The following SPP2 variants were observed in gnomAD, a reference collection of about 807,000 sequenced individuals.
SPP2 encodes the protein secreted phosphoprotein 24.
In SPP2, 34 loss-of-function variants were observed where a neutral mutation model predicts 28.8. The ratio of observed to expected loss-of-function variants is 1.18; its 90% CI spans 0.90 to 1.57. The LOEUF is 1.57. Ranked by LOEUF, SPP2 falls within the 40% of genes most tolerant of loss-of-function variation. The probability of loss-of-function intolerance (pLI) is 0.00; values close to 1 mark genes in which losing one functional copy is unlikely to be tolerated. For missense variants in SPP2, 269 were observed against 263.9 expected (o/e 1.02, Z -0.13); for synonymous variants, 96 against 89.4 (o/e 1.07, Z -0.42).
At chr2:234,064,157 T>TTC (rs1270751170) in intron 4 of SPP2, among the ~76,000 whole-genome samples, 1 of 146,586 alleles carries the variant, frequency 6.8e-6, no homozygotes, top group African/African-American at 2.5e-5. Flanking sequence ...TCATTCCCTT[T>TTC]TCTCTCTCTC....
chr2:234,050,713 A>G lies in SPP2; in HGVS notation c.-74A>G. The G allele has an allele frequency of 1.5e-6, 2 of 1,318,796 alleles. No homozygotes were observed. The highest frequency in any genetic ancestry group is 1.2e-5 in the South Asian group (1 of 81,368). The allele number at this position is 1,318,796 out of a possible 1,614,324, so 81.7% of individuals were successfully genotyped here. ...CAAAATAAGCAGCCAGTGTTTGATA[A>G]AGACAGCTCCTCTTAGGAAGAACTG... On this transcript the variant is annotated 5_prime_UTR_variant, in exon 1 of 8. Coordinates refer to ENST00000168148, the MANE Select transcript of SPP2 (RefSeq NM_006944.3).
At chr2:234,072,710 A>G (rs1690819533) in intron 7 of SPP2, among the ~76,000 whole-genome samples, 1 of 152,130 alleles carries the variant, frequency 6.6e-6, no homozygotes, top group South Asian at 2.1e-4. Context: ...TGAGGCTGGT[A>G]AGGCCGGCAT....
chr2:234,063,727 A>C (rs1693764967), intron 4 of SPP2, among the ~76,000 whole-genome samples: 1 of 152,178 alleles, frequency 6.6e-6, no homozygotes, highest in African/African-American at 2.4e-5. Flanking sequence ...AATGTATTAC[A>C]GTTGTAGGTT....
intron 4 of SPP2, among the ~76,000 whole-genome samples, chr2:234,061,527 C>A (rs1386182002): frequency 6.6e-6 from 1 of 152,100 alleles, no homozygotes; most frequent in African/African-American, 2.4e-5. Flanking sequence ...CATAATCTTT[C>A]TTTCCTTTTT....
rs756010192 is a variant in SPP2 at position 234,058,922 on chromosome 2, T to A, written c.297T>A (p.Asp99Glu). The A allele has an allele frequency of 1.9e-6, 3 of 1,613,934 alleles. No individual in the cohort carries two copies. Among genetic ancestry groups the A allele is most frequent in the Non-Finnish European group, 2.5e-6 (3 of 1,179,958 alleles). ...CATGCAGGAAGGATTCTGGAGAAGA[T>A]CCCGCTACATGTGCCTTCCAGAGGG... ...ETTCRKDSGE[D>E]PATCAFQRDY... Residue 99 changes from aspartate to glutamate, a missense_variant, in exon 3 of 8, where the codon GAT (aspartate) becomes GAA (glutamate). Coordinates refer to ENST00000168148, the MANE Select transcript of SPP2 (RefSeq NM_006944.3).
In SPP2 at chr2:234,066,605, C is replaced by T. The variant is rs1174356207; in HGVS notation, c.499+18C>T. ...TCTATTTGGTAAGTTAAGATCTGTTCTTTTTAACTTTTTTTCTTAAAATAA... is the reference window on the plus strand; with the variant it reads ...TCTATTTGGTAAGTTAAGATCTGTTTTTTTTAACTTTTTTTCTTAAAATAA... On this transcript the variant is annotated intron_variant, in intron 5 of 7. Coordinates refer to ENST00000168148, the MANE Select transcript of SPP2 (RefSeq NM_006944.3). The T allele has an allele frequency of 6.3e-7, 1 of 1,587,300 alleles. No homozygotes were observed. Among genetic ancestry groups the T allele is most frequent in the Non-Finnish European group, 8.6e-7 (1 of 1,164,786 alleles).
chr2:234,060,928 C>T (rs149829551), intron 4 of SPP2, among the ~76,000 whole-genome samples: 32 of 152,222 alleles, frequency 2.1e-4, no homozygotes, highest in African/African-American at 7.0e-4. Context: ...GACCAGTGTT[C>T]AAAACTATTT....
intron 4 of SPP2, among the ~76,000 whole-genome samples, chr2:234,062,250 C>G (rs937020374): frequency 6.6e-6 from 1 of 152,310 alleles, no homozygotes; most frequent in Admixed American, 6.5e-5. Context: ...GGGGAGCAGA[C>G]AGCTTCCCCC....
chr2:234,062,826 G>T (rs995157660), intron 4 of SPP2, among the ~76,000 whole-genome samples: 1 of 152,144 alleles, frequency 6.6e-6, no homozygotes, highest in African/African-American at 2.4e-5. Context: ...TGTTTGCAAA[G>T]CCTACAAATC....
At chr2:234,073,362 A>G (rs1402493998) in intron 7 of SPP2, among the ~76,000 whole-genome samples, 1 of 152,250 alleles carries the variant, frequency 6.6e-6, no homozygotes. Context: ...GGAAGAATGA[A>G]TGAGTGCATG....
intron 4 of SPP2, 85 bp from the exon 5 acceptor site, chr2:234,066,448 T>A: frequency 1.8e-6 from 2 of 1,096,476 alleles, no homozygotes; most frequent in Non-Finnish European, 2.8e-6. Flanking sequence ...TATCAGAGTC[T>A]TCCAGATGAC....
intron 7 of SPP2, among the ~76,000 whole-genome samples, chr2:234,074,421 T>A (rs1690857008): frequency 6.6e-6 from 1 of 152,188 alleles, no homozygotes; most frequent in African/African-American, 2.4e-5. Flanking sequence ...GGTGTCAGAC[T>A]CATTCGTGAC....
chr2:234,051,444 G>T (rs769288954), intron 2 of SPP2, among the ~76,000 whole-genome samples: 1 of 152,118 alleles, frequency 6.6e-6, no homozygotes, highest in Non-Finnish European at 1.5e-5. Context: ...TTCAAATTCA[G>T]CAGTTCTGCT....
intron 4 of SPP2, among the ~76,000 whole-genome samples, chr2:234,062,851 A>G (rs1386304351): frequency 6.6e-6 from 1 of 152,204 alleles, no homozygotes; most frequent in Non-Finnish European, 1.5e-5. Flanking sequence ...GCAGCTTTCT[A>G]ATTGCATAGT....
At chr2:234,062,920 T>C (rs3771330) in intron 4 of SPP2, among the ~76,000 whole-genome samples, 4,574 of 152,282 alleles carry the variant, frequency 0.03, 160 homozygotes, top group East Asian at 0.16. Flanking sequence ...GATATTAAGT[T>C]AGCCCTTGTA....
intron 6 of SPP2, among the ~76,000 whole-genome samples, chr2:234,068,014 G>A (rs1693861586): frequency 6.6e-6 from 1 of 152,016 alleles, no homozygotes; most frequent in African/African-American, 2.4e-5. Flanking sequence ...GGCATACAAT[G>A]TGTCTAATGA....
chr2:234,066,775 A>G lies in SPP2; in HGVS notation c.499+188A>G, dbSNP rs28904004. On this transcript the variant is annotated intron_variant, in intron 5 of 7. Transcript: ENST00000168148. ...ATCACTAGGTAATAATGATACAACT[A>G]TTCACTTAGATATTCCTTTGTATTC... Among the ~76,000 whole-genome samples the G allele has an allele frequency of 7.1e-3, 1,087 of 152,354 alleles. 10 individuals carry two copies. Among genetic ancestry groups the G allele is most frequent in the African/African-American group, 0.025 (1,051 of 41,578 alleles).
At chr2:234,061,607 A>C (rs1693720928) in intron 4 of SPP2, among the ~76,000 whole-genome samples, 1 of 152,226 alleles carries the variant, frequency 6.6e-6, no homozygotes. Flanking sequence ...TAAAATTTCT[A>C]CTTCAAGAAT....
At chr2:234,057,455 A>AT (rs1480784145) in intron 2 of SPP2, among the ~76,000 whole-genome samples, 2 of 151,906 alleles carry the variant, frequency 1.3e-5, no homozygotes, top group African/African-American at 4.8e-5. Flanking sequence ...CCTTGGGAGG[A>AT]TTTTTCTGGC....
Sources: allele counts gnomAD v4.1 joint callset (sites outside exome capture counted in the v4.1 genomes callset), GRCh38; gene constraint gnomAD v4.1.1; transcripts MANE v1.5; gene names NCBI Gene and HGNC (gene_info 2026-07-23, HGNC 2026-07-21).